Variants in KLF12 observed in about 807,000 individuals in gnomAD.
KLF12 encodes KLF transcription factor 12.
In KLF12, 9 loss-of-function variants were observed where a neutral mutation model predicts 37.8. That is an observed-to-expected ratio of 0.24 (90% CI 0.14 to 0.42). The LOEUF (loss-of-function observed/expected upper bound fraction) is 0.42, where lower values mean the gene tolerates loss of function less well. Ranked by LOEUF, KLF12 falls within the 10% of genes least tolerant of loss-of-function variation. The pLI is 1.00. For synonymous variants in KLF12, 208 were observed against 202.1 expected (o/e 1.03, Z -0.25); for missense variants, 411 against 516.0 (o/e 0.80, Z 1.97).
At chr13:73,915,421 T>C (rs1566456709) in intron 3 of KLF12, among the ~76,000 whole-genome samples, 1 of 152,064 alleles carries the variant, frequency 6.6e-6, no homozygotes, top group East Asian at 1.9e-4. Flanking sequence ...CTTTCCAAGA[T>C]TGCCTGCCTG....
intron 1 of KLF12, among the ~76,000 whole-genome samples, chr13:74,099,414 T>C (rs1593898585): frequency 6.6e-6 from 1 of 152,112 alleles, no homozygotes; most frequent in Non-Finnish European, 1.5e-5. Context: ...ATATGAACCC[T>C]TTACAATATA....
At chr13:74,017,525 T>C (rs1892723508) in intron 1 of KLF12, among the ~76,000 whole-genome samples, 1 of 151,466 alleles carries the variant, frequency 6.6e-6, no homozygotes, top group Non-Finnish European at 1.5e-5. Context: ...AGTACGTTGG[T>C]ACCAACTTTA....
the KLF12 span, among the ~76,000 whole-genome samples, chr13:74,252,933 G>A: frequency 3.3e-5 from 5 of 152,196 alleles, no homozygotes; most frequent in Admixed American, 1.3e-4. Flanking sequence ...TATAACTTAT[G>A]TATTTAAAAG....
chr13:73,723,500 T>TA (rs112588064), intron 6 of KLF12, among the ~76,000 whole-genome samples: 23,517 of 147,332 alleles, frequency 0.16, 2,893 homozygotes, highest in African/African-American at 0.35. Flanking sequence ...ACATAAACCT[T>TA]AAAAAAAAAA....
chr13:73,713,992 A>C (rs1038004830), intron 7 of KLF12, among the ~76,000 whole-genome samples: 1 of 152,232 alleles, frequency 6.6e-6, no homozygotes, highest in African/African-American at 2.4e-5. Context: ...TTCACTATCT[A>C]CTGGTAGGAT....
intron 3 of KLF12, among the ~76,000 whole-genome samples, chr13:73,887,364 T>C (rs1887280814): frequency 6.6e-6 from 1 of 152,202 alleles, no homozygotes; most frequent in African/African-American, 2.4e-5. Flanking sequence ...AACTGGATCA[T>C]GGGGACAGAT....
intron 1 of KLF12, among the ~76,000 whole-genome samples, chr13:74,116,218 A>T (rs1427249515): frequency 2.0e-5 from 3 of 152,228 alleles, no homozygotes; most frequent in African/African-American, 7.2e-5. Flanking sequence ...CTAAGAAATT[A>T]CTAAGGATTA....
At chr13:73,993,621 T>C (rs951193743) in intron 2 of KLF12, among the ~76,000 whole-genome samples, 6 of 152,206 alleles carry the variant, frequency 3.9e-5, no homozygotes, top group East Asian at 1.9e-4. Flanking sequence ...CATGTTTACA[T>C]AGAGAAAAGT....
chr13:74,183,622 G>GT, the KLF12 span, among the ~76,000 whole-genome samples: 2 of 151,976 alleles, frequency 1.3e-5, no homozygotes, highest in African/African-American at 4.8e-5. Flanking sequence ...CACCAACAGC[G>GT]TATTTAGAAA....
intron 1 of KLF12, among the ~76,000 whole-genome samples, chr13:74,121,943 C>A (rs2138983347): frequency 6.6e-6 from 1 of 152,094 alleles, no homozygotes; most frequent in African/African-American, 2.4e-5. Context: ...AAAGTAGACT[C>A]CCTCTCTTAT....
chr13:73,703,519 G>A (rs1383007582), intron 7 of KLF12, among the ~76,000 whole-genome samples: 1 of 152,016 alleles, frequency 6.6e-6, no homozygotes, highest in Non-Finnish European at 1.5e-5. Flanking sequence ...GAATTAATTG[G>A]CTATCTTTTT....
intron 3 of KLF12, among the ~76,000 whole-genome samples, chr13:73,858,209 A>G (rs936352389): frequency 6.6e-6 from 1 of 152,172 alleles, no homozygotes; most frequent in East Asian, 1.9e-4. Context: ...GAGGCTTTTA[A>G]AATCTGGTTT....
the KLF12 span, among the ~76,000 whole-genome samples, chr13:74,281,658 C>T: frequency 1.3e-5 from 2 of 152,150 alleles, no homozygotes; most frequent in Non-Finnish European, 2.9e-5. Flanking sequence ...GAATGAATAA[C>T]ATCAAAATAT....
intron 1 of KLF12, among the ~76,000 whole-genome samples, chr13:74,050,952 T>C (rs948286763): frequency 6.6e-6 from 1 of 152,174 alleles, no homozygotes; most frequent in African/African-American, 2.4e-5. Context: ...TCAACACAAC[T>C]AATTATCAGG....
At position 73,715,503 on chromosome 13, in the gene KLF12, C is replaced by T; in HGVS notation, c.892G>A (p.Glu298Lys). The T allele has an allele frequency of 2.5e-6, 4 of 1,613,918 alleles. No homozygotes were observed. The highest frequency in any genetic ancestry group is 3.4e-6 in the Non-Finnish European group (4 of 1,179,920). Residue 298 changes from glutamate to lysine, a missense_variant, in exon 7 of 8, where the codon GAG (glutamate) becomes AAG (lysine). By Grantham distance (56) the Glu-to-Lys change is moderately conservative. Around this residue, in one of 2 missense-constraint regions of KLF12, gnomAD observed 351 missense variants for 397.8 expected, o/e 0.88. Coordinates refer to ENST00000377669, the MANE Select transcript of KLF12 (RefSeq NM_007249.5). ...GACCGTCTCTGGCGTCTTGTGCTCT[C>T]AATACTAAATGGTGAAATTGAACTG...
chr13:74,042,890 A>T (rs1893444435), intron 1 of KLF12, among the ~76,000 whole-genome samples: 1 of 152,222 alleles, frequency 6.6e-6, no homozygotes, highest in South Asian at 2.1e-4. Flanking sequence ...AAGCCTTTCT[A>T]GTACCTCAAT....
At chr13:73,699,865 T>C (rs888506577) in intron 7 of KLF12, among the ~76,000 whole-genome samples, 8 of 152,138 alleles carry the variant, frequency 5.3e-5, no homozygotes, top group African/African-American at 1.4e-4. Context: ...AAGTGAAGTG[T>C]GATCAAGTGT....
At chr13:73,852,288 CAAAGT>C (rs1885374159) in intron 3 of KLF12, among the ~76,000 whole-genome samples, 5 of 152,042 alleles carry the variant, frequency 3.3e-5, no homozygotes, top group Admixed American at 2.6e-4. Context: ...AAACGTAAAG[CAAAGT>C]ATACTAAAGA....
At chr13:74,166,625 C>T in the KLF12 span, among the ~76,000 whole-genome samples, 2 of 151,992 alleles carry the variant, frequency 1.3e-5, no homozygotes, top group South Asian at 4.2e-4. Flanking sequence ...TTATATTTTC[C>T]CCTATCTACA....
Sources: allele counts gnomAD v4.1 joint callset (sites outside exome capture counted in the v4.1 genomes callset), GRCh38; gene constraint gnomAD v4.1.1; regional missense constraint gnomAD v4.1.1; transcripts MANE v1.5; gene names NCBI Gene and HGNC (gene_info 2026-07-23, HGNC 2026-07-21).